The following UNC13C variants were observed in gnomAD, a reference collection of about 807,000 sequenced individuals.
UNC13C encodes the protein protein unc-13 homolog C.
A neutral mutation model predicts 245.4 loss-of-function variants in UNC13C; 174 were observed. The ratio of observed to expected loss-of-function variants is 0.71; its 90% CI spans 0.63 to 0.80. UNC13C has a LOEUF of 0.80. Among genes scored for constraint, UNC13C ranks in the 30% least tolerant of loss-of-function variants. UNC13C has a pLI of 0.00. For missense variants in UNC13C, 2,829 were observed against 2,602.9 expected (o/e 1.09, Z -1.89); for synonymous variants, 992 against 895.1 (o/e 1.11, Z -1.93).
chr15:54,602,073 G>A (rs1899464611), intron 30 of UNC13C, among the ~76,000 whole-genome samples: 1 of 118,006 alleles, frequency 8.5e-6, no homozygotes, highest in South Asian at 3.1e-4. Flanking sequence ...TTCTGGCATA[G>A]ACTGAACAGG....
chr15:54,625,335 G>A (rs1279591798), intron 32 of UNC13C, among the ~76,000 whole-genome samples: 1 of 152,054 alleles, frequency 6.6e-6, no homozygotes, highest in Non-Finnish European at 1.5e-5. Flanking sequence ...GCATTCTATT[G>A]CAAACAGCAA....
intron 4 of UNC13C, among the ~76,000 whole-genome samples, chr15:54,161,717 A>C (rs1307417819): frequency 6.6e-6 from 1 of 152,060 alleles, no homozygotes; most frequent in Non-Finnish European, 1.5e-5. Flanking sequence ...TTGGGAGGCC[A>C]GGGTGGGCAT....
At chr15:54,084,118 G>T (rs564755494) in intron 2 of UNC13C, among the ~76,000 whole-genome samples, 1 of 152,332 alleles carries the variant, frequency 6.6e-6, no homozygotes, top group South Asian at 2.1e-4. Context: ...TTGCTCTGGG[G>T]TCGGTCTCAG....
chr15:54,210,229 A>G (rs1013764088), intron 4 of UNC13C, among the ~76,000 whole-genome samples: 2 of 101,962 alleles, frequency 2.0e-5, no homozygotes, highest in Non-Finnish European at 3.9e-5. Context: ...TATATAGTTA[A>G]CTGCATTAAT....
Position 54,555,461 on chromosome 15 carries a change from T to A in UNC13C, c.5907T>A (p.Gly1969=). Residue 1969 remains glycine (G), a synonymous_variant, in exon 29 of 33, where the codon GGT becomes GGA. Transcript: ENST00000260323. ...KEHMIREDAR[G]LTPRQCAIME... is the part of the protein sequence containing the mutation. ...ACATGATTCGAGAGGATGCCAGGGG[T>A]CTGACGCCAAGACAATGCGCTATAA... 1.2e-6 allele frequency: 2 copies of A among 1,612,436 alleles called. No individual in the cohort carries two copies. Among genetic ancestry groups the A allele is most frequent in the Admixed American group, 1.7e-5 (1 of 59,772 alleles).
the UNC13C span, among the ~76,000 whole-genome samples, chr15:53,854,313 G>T: frequency 2.0e-5 from 3 of 151,628 alleles, no homozygotes; most frequent in Admixed American, 2.0e-4. Flanking sequence ...TAGAGACAGG[G>T]TTTCACCATG....
intron 4 of UNC13C, among the ~76,000 whole-genome samples, chr15:54,207,010 C>T (rs954541627): frequency 2.6e-5 from 4 of 151,926 alleles, no homozygotes; most frequent in South Asian, 2.1e-4. Flanking sequence ...GCAAAAATAC[C>T]GTGGGCCCTA....
At chr15:54,307,708 G>C (rs921254418) in intron 13 of UNC13C, among the ~76,000 whole-genome samples, 15 of 151,894 alleles carry the variant, frequency 9.9e-5, no homozygotes, top group Non-Finnish European at 2.1e-4. Flanking sequence ...TTCAACTTCT[G>C]TCTTCCTCTA....
chr15:54,537,054 A>C (rs977324149), intron 26 of UNC13C, among the ~76,000 whole-genome samples: 1 of 152,120 alleles, frequency 6.6e-6, no homozygotes. Context: ...TTCACATATG[A>C]TGTGATCGTA....
intron 2 of UNC13C, among the ~76,000 whole-genome samples, chr15:54,054,020 C>A (rs8038088): frequency 1.3e-5 from 2 of 151,952 alleles, no homozygotes; most frequent in African/African-American, 4.8e-5. Flanking sequence ...TTCATCCATT[C>A]GTCTGATGAT....
intron 19 of UNC13C, among the ~76,000 whole-genome samples, chr15:54,451,014 T>G (rs1891142707): frequency 6.6e-6 from 1 of 152,190 alleles, no homozygotes; most frequent in Non-Finnish European, 1.5e-5. Context: ...TATAGTATTT[T>G]TGGTGGATAC....
chr15:53,923,708 G>C, the UNC13C span, among the ~76,000 whole-genome samples: 1 of 152,250 alleles, frequency 6.6e-6, no homozygotes, highest in Non-Finnish European at 1.5e-5. Context: ...TATTGGGAGA[G>C]AGTGTGCTTC....
chr15:54,494,572 C>G (rs1893866539), intron 19 of UNC13C, 36 bp from the exon 20 acceptor site: 1 of 1,502,276 alleles, frequency 6.7e-7, no homozygotes, highest in South Asian at 1.4e-5. Flanking sequence ...GTTGGCAAAC[C>G]AAGCTTTATT....
At chr15:54,542,807 G>C (rs1268794977) in intron 26 of UNC13C, among the ~76,000 whole-genome samples, 1 of 152,058 alleles carries the variant, frequency 6.6e-6, no homozygotes, top group Non-Finnish European at 1.5e-5. Context: ...TTTTATCAGA[G>C]ACTAGGTTTG....
chr15:54,498,935 A>G (rs992411403), intron 20 of UNC13C, among the ~76,000 whole-genome samples: 7 of 152,168 alleles, frequency 4.6e-5, no homozygotes, highest in Non-Finnish European at 8.8e-5. Context: ...TACAAAGGCA[A>G]TCTACAAACT....
chr15:54,551,810 T>G (rs1473177393), intron 28 of UNC13C, among the ~76,000 whole-genome samples: 8 of 151,968 alleles, frequency 5.3e-5, no homozygotes, highest in African/African-American at 1.9e-4. Context: ...ACTATTTGAA[T>G]TACAGAGCAA....
intron 19 of UNC13C, among the ~76,000 whole-genome samples, chr15:54,481,909 G>A (rs1173605420): frequency 6.6e-5 from 10 of 152,164 alleles, no homozygotes; most frequent in Admixed American, 6.5e-4. Context: ...TCTCTCCTCA[G>A]GTCCCAGGAT....
intron 16 of UNC13C, 102 bp downstream of exon 16, chr15:54,333,958 A>G (rs2038508166): frequency 1.3e-6 from 1 of 773,716 alleles, no homozygotes; most frequent in Non-Finnish European, 2.2e-6. Context: ...TACTGTGTTA[A>G]CTCCATCGAT....
chr15:54,043,617 G>A (rs1177568634), intron 2 of UNC13C, among the ~76,000 whole-genome samples: 4 of 152,176 alleles, frequency 2.6e-5, no homozygotes, highest in Admixed American at 2.6e-4. Context: ...TTTGGTTCTT[G>A]TCAAGGGAAA....
Sources: gnomAD v4.1 joint callset for allele counts (sites outside exome capture counted in the v4.1 genomes callset) on GRCh38, gnomAD v4.1.1 for gene constraint, MANE v1.5 for transcripts, NCBI Gene and HGNC (gene_info 2026-07-23, HGNC 2026-07-21) for gene names.